Variants in ATAD5 observed in about 807,000 individuals in gnomAD.
ATAD5 encodes ATPase family AAA domain containing 5.
In ATAD5, 58 loss-of-function variants were observed where a neutral mutation model predicts 176.9. The observed-to-expected ratio is 0.33, with a 90% CI of 0.27 to 0.41. The LOEUF (loss-of-function observed/expected upper bound fraction) is 0.41, where lower values mean the gene tolerates loss of function less well. ATAD5 is among the 10% of genes least tolerant of loss of function. ATAD5 has a pLI of 1.00. For synonymous variants in ATAD5, 640 were observed against 712.6 expected (o/e 0.90, Z 1.62); for missense variants, 1,789 against 2,094.1 (o/e 0.85, Z 2.84).
chr17:30,854,547 T>C (rs1193218697), intron 6 of ATAD5, among the ~76,000 whole-genome samples: 2 of 151,204 alleles, frequency 1.3e-5, no homozygotes, highest in African/African-American at 2.4e-5. Flanking sequence ...AATTTTTGTA[T>C]TTTTAGTAGA....
chr17:30,843,966 A>G lies in ATAD5; in HGVS notation c.2295A>G (p.Lys765=), dbSNP rs772597697. 6.5e-7 allele frequency: 1 copy of G among 1,539,990 alleles called. No homozygotes were observed. The highest frequency in any genetic ancestry group is 8.8e-7 in the Non-Finnish European group (1 of 1,134,612). The change falls in exon 5 of 23, where the codon AAA becomes AAG. Residue 765 remains lysine, a synonymous_variant. Transcript: ENST00000321990. ...SSPTALKHPE[K]NQKKLQCLND... is the part of the protein sequence containing the mutation. Reference sequence around the variant, plus strand: ...CTACTGCTTTAAAGCATCCAGAGAAAAATCAGAAGAAACTTCAGTGTTTGA... The same window carrying G: ...CTACTGCTTTAAAGCATCCAGAGAAGAATCAGAAGAAACTTCAGTGTTTGA...
intron 18 of ATAD5, among the ~76,000 whole-genome samples, chr17:30,886,232 A>G (rs1793802840): frequency 6.6e-6 from 1 of 151,324 alleles, no homozygotes; most frequent in African/African-American, 2.4e-5. Context: ...GCTGCCCTCA[A>G]AAAGAGTTGA....
At chr17:30,892,322 G>A (rs1471082505) in intron 19 of ATAD5, among the ~76,000 whole-genome samples, 1 of 151,620 alleles carries the variant, frequency 6.6e-6, no homozygotes, top group Non-Finnish European at 1.5e-5. Flanking sequence ...CTACTCGGGA[G>A]GCTGAGGCAG....
chr17:30,837,211 A>C lies in ATAD5; in HGVS notation c.1973A>C (p.Lys658Thr), dbSNP rs1467160326. Residue 658 changes from lysine to threonine, a missense_variant, in exon 3 of 23, where the codon AAA becomes ACA. This residue lies in a region of ATAD5 where 487 missense variants were observed against 573.6 expected (regional missense o/e 0.85). Transcript: ENST00000321990. ...PFDSESPIRM[K>T]FTRISTPKKS... ...ATACCTTATTTTTATTTCAGAATGA[A>C]ATTCACCAGAATTAGTACTCCCAAA... is the stretch of plus-strand genomic sequence containing the variant. 8.0e-6 allele frequency: 12 copies of C among 1,491,740 alleles called. No homozygotes were observed. In the South Asian group the frequency reaches 1.5e-4, roughly 19 times the overall value. 92.4% of individuals were successfully genotyped at this position (1,491,740 alleles called of 1,614,324 possible).
intron 19 of ATAD5, 125 bp from the exon 20 acceptor site, chr17:30,892,482 C>A: frequency 1.3e-5 from 6 of 474,388 alleles, no homozygotes; most frequent in Admixed American, 4.3e-5. Context: ...GAATTAAACA[C>A]ATATGTAGAG....
In ATAD5 at chr17:30,866,448, G is replaced by A. The variant is rs372689182; in HGVS notation, c.3233+648G>A. Among the ~76,000 whole-genome samples the A allele has an allele frequency of 1.0e-4, 15 of 149,810 alleles. No individual in the cohort carries two copies. The East Asian group carries it at 2.6e-3, about 26-fold the overall frequency. ...TGACCTCAGGTGGTCCACCCGCCTT[G>A]GCCTCCTAAAGTGCTGGGATTACAG... On this transcript the variant is annotated intron_variant, in intron 11 of 22. Coordinates refer to ENST00000321990, the MANE Select transcript of ATAD5 (RefSeq NM_024857.5).
chr17:30,840,719 C>T lies in ATAD5; in HGVS notation c.2179C>T (p.Pro727Ser), dbSNP rs375372869. 1.9e-6 allele frequency: 3 copies of T among 1,609,826 alleles called. No homozygotes were observed. Among genetic ancestry groups the T allele is most frequent in the Non-Finnish European group, 2.5e-6 (3 of 1,178,474 alleles). Reference sequence around the variant, plus strand: ...AAAGGTGACTGAAGAAATAGCGATACCCTTAAGGCGCTCCTCTAGACATCA... The same window carrying T: ...AAAGGTGACTGAAGAAATAGCGATATCCTTAAGGCGCTCCTCTAGACATCA... ...RSKVTEEIAI[P>S]LRRSSRHQTL... Residue 727 changes from proline (P) to serine (S), a missense_variant, in exon 4 of 23, where the codon CCC (proline) becomes TCC (serine). Around this residue, in one of 6 missense-constraint regions of ATAD5, gnomAD observed 487 missense variants for 573.6 expected, o/e 0.85. Transcript: ENST00000321990.
At position 30,855,306 on chromosome 17, in the gene ATAD5, C is replaced by T. The variant is rs1166482497; in HGVS notation, c.2614C>T (p.His872Tyr). The change falls in exon 7 of 23, where the codon CAT becomes TAT. Residue 872 changes from histidine to tyrosine, a missense_variant. By Grantham distance (83) the His-to-Tyr change is moderately conservative (BLOSUM62 2). Around this residue, in one of 6 missense-constraint regions of ATAD5, gnomAD observed 487 missense variants for 573.6 expected, o/e 0.85. Coordinates refer to ENST00000321990, the MANE Select transcript of ATAD5 (RefSeq NM_024857.5). Reference protein sequence around the residue: ...AVSTSFQRVVHVQQKDDGCCL... With the variant: ...AVSTSFQRVVYVQQKDDGCCL... ...GAGTACCAGTTTCCAGAGAGTCGTACATGTGCAACAAAAGGATGATGGTAA... is the reference window on the plus strand; with the variant it reads ...GAGTACCAGTTTCCAGAGAGTCGTATATGTGCAACAAAAGGATGATGGTAA... 3 of 1,591,954 alleles carry T rather than the reference C, an allele frequency of 1.9e-6. No individual in the cohort carries two copies. Among genetic ancestry groups the T allele is most frequent in the Non-Finnish European group, 2.6e-6 (3 of 1,171,794 alleles).
At chr17:30,887,990 C>G (rs968975230) in intron 19 of ATAD5, among the ~76,000 whole-genome samples, 32 of 151,794 alleles carry the variant, frequency 2.1e-4, no homozygotes, top group African/African-American at 7.5e-4. Flanking sequence ...CACCATCACG[C>G]CCAGCTAATT....
intron 14 of ATAD5, among the ~76,000 whole-genome samples, chr17:30,871,807 T>A (rs1263132000): frequency 2.0e-5 from 3 of 152,230 alleles, no homozygotes; most frequent in African/African-American, 7.2e-5. Context: ...TATGTATTCC[T>A]GACTGTTCTT....
At chr17:30,888,326 T>C (rs1350649513) in intron 19 of ATAD5, among the ~76,000 whole-genome samples, 1 of 151,988 alleles carries the variant, frequency 6.6e-6, no homozygotes, top group Non-Finnish European at 1.5e-5. Context: ...CCAAGGGGCA[T>C]GGATTCCTTG....
At chr17:30,872,032 C>T (rs907747622) in intron 14 of ATAD5, among the ~76,000 whole-genome samples, 1 of 152,104 alleles carries the variant, frequency 6.6e-6, no homozygotes, top group African/African-American at 2.4e-5. Context: ...AATCCCCCAA[C>T]CTTAGCCTTT....
chr17:30,839,660 A>G (rs151074696), intron 3 of ATAD5, among the ~76,000 whole-genome samples: 1 of 57,114 alleles, frequency 1.8e-5, no homozygotes, highest in African/African-American at 7.5e-5. Context: ...GCTCACTGCA[A>G]CCTCGGCTTC....
intron 19 of ATAD5, among the ~76,000 whole-genome samples, chr17:30,888,369 T>C (rs574460776): frequency 2.0e-5 from 3 of 151,930 alleles, no homozygotes; most frequent in Admixed American, 6.6e-5. Context: ...CTGGGCAACA[T>C]GGCGAAACCC....
chr17:30,858,543 G>A (rs1048078709), intron 9 of ATAD5, among the ~76,000 whole-genome samples: 13 of 151,278 alleles, frequency 8.6e-5, no homozygotes, highest in Admixed American at 2.6e-4. Flanking sequence ...CCACCATGAC[G>A]CCCTGCTAAT....
chr17:30,871,102 C>T (rs1316593766), intron 14 of ATAD5, among the ~76,000 whole-genome samples: 1 of 148,034 alleles, frequency 6.8e-6, no homozygotes, highest in Admixed American at 6.9e-5. Context: ...CAGTCTTTTT[C>T]CTCTTTTTGT....
At position 30,893,784 on chromosome 17, in the gene ATAD5, A is replaced by G. The variant is rs752042059; in HGVS notation, c.4931A>G (p.His1644Arg). ...AAAAAATGTTCTGCCCTTGTTTCTC[A>G]TTGTTTAAATTCTCTCTCTGAGTTC... Reference protein sequence around the residue: ...AGKKCSALVSHCLNSLSEFMD... With the variant: ...AGKKCSALVSRCLNSLSEFMD... The change falls in exon 21 of 23, where the codon CAT becomes CGT. Residue 1644 changes from histidine to arginine, a missense_variant. Physicochemically the swap from His to Arg is conservative, Grantham distance 29. Around this residue, in one of 6 missense-constraint regions of ATAD5, gnomAD observed 403 missense variants for 495.1 expected, o/e 0.81. Transcript: ENST00000321990. 1.9e-6 allele frequency: 3 copies of G among 1,614,084 alleles called. No homozygotes were observed. The Admixed American group carries it at 5.0e-5, about 27-fold the overall frequency.
At chr17:30,844,175 C>A in intron 5 of ATAD5, 136 bp downstream of exon 5, 6 of 818,160 alleles carry the variant, frequency 7.3e-6, no homozygotes, top group Non-Finnish European at 1.0e-5. Flanking sequence ...GTCACTCAGG[C>A]TGGAGTGCAG....
intron 18 of ATAD5, among the ~76,000 whole-genome samples, chr17:30,884,434 T>C (rs1040818109): frequency 3.6e-5 from 5 of 139,338 alleles, no homozygotes; most frequent in African/African-American, 1.4e-4. Context: ...CTTTTTTTTT[T>C]TTTTTTTTTT....
Sources: gnomAD v4.1 joint callset for allele counts (sites outside exome capture counted in the v4.1 genomes callset) on GRCh38, gnomAD v4.1.1 for gene constraint, gnomAD v4.1.1 regional missense constraint, MANE v1.5 for transcripts, NCBI Gene and HGNC (gene_info 2026-07-23, HGNC 2026-07-21) for gene names.